APOOL: variants seen among roughly 807,000 people sequenced by gnomAD.
APOOL encodes the protein MICOS complex subunit MIC27.
Under a neutral mutation model 23.1 loss-of-function variants are expected in APOOL, and 12 were observed. That is an observed-to-expected ratio of 0.52 (90% CI 0.33 to 0.84). The LOEUF is 0.84. Ranked by LOEUF, APOOL falls within the 40% of genes least tolerant of loss-of-function variation. APOOL has a pLI of 0.02. For missense variants in APOOL, 212 were observed against 199.6 expected (o/e 1.06, Z -0.37); for synonymous variants, 77 against 69.9 (o/e 1.10, Z -0.51).
At chrX:85,082,663 C>T (rs1375068468) in intron 8 of APOOL, among the ~76,000 whole-genome samples, 1 of 112,090 alleles carries the variant, frequency 8.9e-6, no homozygotes, top group African/African-American at 3.2e-5. Context: ...AACATACCCA[C>T]ACACATTGAT....
chrX:85,084,576 T>G (rs1446322700), intron 8 of APOOL, among the ~76,000 whole-genome samples: 1 of 110,341 alleles, frequency 9.1e-6, no homozygotes, highest in Non-Finnish European at 1.9e-5. Context: ...ATTATAAATC[T>G]GAATCTCCAG....
intron 2 of APOOL, among the ~76,000 whole-genome samples, chrX:85,049,533 C>T (rs1922688977): frequency 9.0e-6 from 1 of 111,532 alleles, no homozygotes; most frequent in Non-Finnish European, 1.9e-5. Context: ...CTTGTAATCC[C>T]AGCACTTTAG....
chrX:85,015,034 T>G (rs752626415), intron 1 of APOOL, among the ~76,000 whole-genome samples: 1 of 111,024 alleles, frequency 9.0e-6, no homozygotes, highest in Admixed American at 9.6e-5. Flanking sequence ...GCTTTTTCCT[T>G]GTCTTTTTCT....
intron 8 of APOOL, among the ~76,000 whole-genome samples, chrX:85,082,738 A>G (rs1490351385): frequency 8.9e-6 from 1 of 112,081 alleles, no homozygotes; most frequent in Non-Finnish European, 1.9e-5. Flanking sequence ...GACAGAGACC[A>G]TATGGTTCAC....
chrX:85,092,537 A>G lies in APOOL; in HGVS notation c.*4859A>G. 1 of 1,207,448 alleles carries G rather than the reference A, an allele frequency of 8.3e-7. No individual in the cohort carries two copies. Among genetic ancestry groups the G allele is most frequent in the Non-Finnish European group, 1.1e-6 (1 of 892,821 alleles). ...CAAATGACGACAAGAAAGTGCATGC[A>G]GTTACATTGAGTTGTGATGGCTATC... On this transcript the variant is annotated 3_prime_UTR_variant, in exon 9 of 9. Coordinates refer to ENST00000373173, the MANE Select transcript of APOOL (RefSeq NM_198450.6).
chrX:85,021,553 C>T (rs1190906826), intron 1 of APOOL, among the ~76,000 whole-genome samples: 1 of 111,300 alleles, frequency 9.0e-6, no homozygotes, highest in Non-Finnish European at 1.9e-5. Context: ...GACTGAGATG[C>T]TAAGACAACC....
chrX:85,082,010 T>C (rs1306711470), intron 8 of APOOL, among the ~76,000 whole-genome samples: 1 of 111,837 alleles, frequency 8.9e-6, no homozygotes, highest in Non-Finnish European at 1.9e-5. Flanking sequence ...TCAAGGTTTT[T>C]AACTTCCTTG....
At chrX:85,056,199 A>T (rs183516446) in intron 5 of APOOL, among the ~76,000 whole-genome samples, 275 of 111,608 alleles carry the variant, frequency 2.5e-3, no homozygotes, top group African/African-American at 8.5e-3. Flanking sequence ...AACATTCTTT[A>T]GGATGAGACC....
chrX:85,014,726 T>C (rs948495927), intron 1 of APOOL, among the ~76,000 whole-genome samples: 1 of 110,077 alleles, frequency 9.1e-6, no homozygotes, highest in Non-Finnish European at 1.9e-5. Context: ...GTTTACCTGA[T>C]GCTTTTGTCT....
intron 1 of APOOL, among the ~76,000 whole-genome samples, chrX:85,041,345 G>T (rs1242735288): frequency 1.8e-5 from 2 of 110,968 alleles, no homozygotes; most frequent in East Asian, 2.9e-4. Context: ...AGAGGTGGGG[G>T]CTGAGGCATT....
intron 8 of APOOL, among the ~76,000 whole-genome samples, chrX:85,080,158 C>T (rs1363630775): frequency 3.6e-5 from 4 of 111,239 alleles, no homozygotes; most frequent in African/African-American, 1.3e-4. Flanking sequence ...GCTCTTGCTT[C>T]TCTAGTTCTT....
At chrX:85,074,210 G>A in intron 7 of APOOL, 64 bp from the exon 8 acceptor site, 1 of 1,183,685 alleles carries the variant, frequency 8.4e-7, no homozygotes, top group Non-Finnish European at 1.1e-6. Context: ...GATAAAATGA[G>A]AAAGTAGATG....
intron 1 of APOOL, chrX:85,046,181 T>C (rs1922567512): frequency 4.5e-6 from 1 of 220,644 alleles, no homozygotes. Flanking sequence ...TATTATTACA[T>C]AATAATATTC....
chrX:85,060,065 GAA>G (rs1272498938), intron 5 of APOOL, among the ~76,000 whole-genome samples: 1 of 111,037 alleles, frequency 9.0e-6, no homozygotes, highest in African/African-American at 3.3e-5. Flanking sequence ...TAAGGTGTAA[GAA>G]AGGGATCCAG....
At chrX:85,038,275 G>A (rs942675188) in intron 1 of APOOL, among the ~76,000 whole-genome samples, 4 of 111,085 alleles carry the variant, frequency 3.6e-5, no homozygotes, top group African/African-American at 1.3e-4. Context: ...TTTCCTAGAT[G>A]TTTTCCTAGA....
At chrX:85,046,236 A>G (rs1922569465) in intron 1 of APOOL, 1 of 324,604 alleles carries the variant, frequency 3.1e-6, no homozygotes, top group African/African-American at 2.7e-5. Context: ...GTAGTTAACA[A>G]ACAGGTAAAA....
At chrX:85,061,232 C>T (rs1012891979) in intron 5 of APOOL, among the ~76,000 whole-genome samples, 2 of 111,016 alleles carry the variant, frequency 1.8e-5, no homozygotes, top group Non-Finnish European at 3.8e-5. Context: ...GGATGAAGCC[C>T]ACTTGATCAT....
In APOOL at chrX:85,092,180, A is replaced by G. The variant is rs753391195; in HGVS notation, c.*4502A>G. ...ACTTTTAAATTATCTGCTCTTTTGG[A>G]TTATCACTACTGCTACTAGCCGTTA... is the stretch of plus-strand genomic sequence containing the variant. On this transcript the variant is annotated 3_prime_UTR_variant, in exon 9 of 9. Coordinates refer to ENST00000373173, the MANE Select transcript of APOOL (RefSeq NM_198450.6). 36 of 343,916 alleles carry G rather than the reference A, an allele frequency of 1.0e-4. No individual in the cohort carries two copies. Among genetic ancestry groups the G allele is most frequent in the African/African-American group, 8.4e-4 (33 of 39,287 alleles). The allele number at this position is 343,916 out of a possible 1,213,427, so 28.3% of individuals were successfully genotyped here. A position where few individuals can be genotyped will look rare whatever the true frequency, so the allele number is the denominator to read the frequency against.
Position 85,042,934 on chromosome X carries a change from G to A in APOOL, c.16-3512G>A, listed in dbSNP as rs755629266. On this transcript the variant is annotated intron_variant, in intron 1 of 8. Coordinates refer to ENST00000373173, the MANE Select transcript of APOOL (RefSeq NM_198450.6). ...AAAAACTTGCTATCACAGGAAGCTCGCCCTGTATTTTTCCCTGGAGAAATG... is the reference window on the plus strand; with the variant it reads ...AAAAACTTGCTATCACAGGAAGCTCACCCTGTATTTTTCCCTGGAGAAATG... 9.2e-4 allele frequency among the ~76,000 whole-genome samples: 103 copies of A among 111,851 alleles called. 1 individual carries two copies. The highest frequency in any genetic ancestry group is 3.1e-3 in the African/African-American group (96 of 30,831).
Sources: gnomAD v4.1 joint callset for allele counts (sites outside exome capture counted in the v4.1 genomes callset) on GRCh38, gnomAD v4.1.1 for gene constraint, MANE v1.5 for transcripts, NCBI Gene and HGNC (gene_info 2026-07-23, HGNC 2026-07-21) for gene names.